TENM4: variants seen among roughly 807,000 people sequenced by gnomAD.
TENM4 encodes the protein teneurin-4.
A neutral mutation model predicts 243.3 loss-of-function variants in TENM4; 82 were observed. The ratio of observed to expected loss-of-function variants is 0.34; its 90% CI spans 0.28 to 0.40. TENM4 has a LOEUF of 0.40. Ranked by LOEUF, TENM4 falls within the 10% of genes least tolerant of loss-of-function variation. The pLI is 1.00. For missense variants in TENM4, 3,138 were observed against 3,673.3 expected, an observed-to-expected ratio of 0.85 and a Z score of 3.77; for synonymous variants, 1,412 against 1,456.3, an observed-to-expected ratio of 0.97 and a Z score of 0.69.
At chr11:78,736,313 T>C (rs920850452) in intron 20 of TENM4, among the ~76,000 whole-genome samples, 6 of 152,180 alleles carry the variant, frequency 3.9e-5, no homozygotes, top group African/African-American at 1.4e-4. Context: ...CTACATCTCT[T>C]GCCTGCTGTT....
At chr11:79,001,133 A>C (rs1478514546) in intron 6 of TENM4, among the ~76,000 whole-genome samples, 3 of 152,252 alleles carry the variant, frequency 2.0e-5, no homozygotes, top group Admixed American at 6.5e-5. Flanking sequence ...CAGCAGATAA[A>C]AAAGCAAGAT....
At chr11:79,106,187 G>C (rs190987296) in intron 4 of TENM4, among the ~76,000 whole-genome samples, 1 of 152,346 alleles carries the variant, frequency 6.6e-6, no homozygotes, top group African/African-American at 2.4e-5. Flanking sequence ...GAGTGAAGAA[G>C]TGGCAAAGGC....
At chr11:79,007,997 G>A (rs1419395550) in intron 6 of TENM4, among the ~76,000 whole-genome samples, 4 of 152,140 alleles carry the variant, frequency 2.6e-5, no homozygotes, top group Non-Finnish European at 5.9e-5. Context: ...TTTCAAACCC[G>A]CAGCTCTTGG....
At chr11:79,300,824 A>G (rs1433718966) in intron 1 of TENM4, among the ~76,000 whole-genome samples, 1 of 152,076 alleles carries the variant, frequency 6.6e-6, no homozygotes, top group Non-Finnish European at 1.5e-5. Flanking sequence ...TTTGTCTTTT[A>G]CCCTGATTAT....
At chr11:79,196,361 TG>T (rs1863627084) in intron 3 of TENM4, among the ~76,000 whole-genome samples, 2 of 151,702 alleles carry the variant, frequency 1.3e-5, no homozygotes, top group Non-Finnish European at 2.9e-5. Flanking sequence ...TTCTTCACCT[TG>T]GCTCATCTCG....
chr11:78,910,453 C>T (rs1454481073), intron 6 of TENM4, among the ~76,000 whole-genome samples: 1 of 152,208 alleles, frequency 6.6e-6, no homozygotes, highest in Non-Finnish European at 1.5e-5. Context: ...TGAATCTTGG[C>T]CTACACGACC....
chr11:79,229,915 C>A (rs1179631121), intron 2 of TENM4, among the ~76,000 whole-genome samples: 1 of 151,714 alleles, frequency 6.6e-6, no homozygotes, highest in Non-Finnish European at 1.5e-5. Flanking sequence ...CAGCCTGGAA[C>A]TCCTGGGCTC....
intron 14 of TENM4, among the ~76,000 whole-genome samples, chr11:78,809,028 G>T (rs1322651079): frequency 2.0e-5 from 3 of 152,156 alleles, no homozygotes; most frequent in African/African-American, 7.2e-5. Context: ...TCAACTTTGG[G>T]TTGAAACTGT....
At chr11:78,822,344 T>C (rs946721932) in intron 12 of TENM4, among the ~76,000 whole-genome samples, 3 of 152,210 alleles carry the variant, frequency 2.0e-5, no homozygotes, top group Non-Finnish European at 4.4e-5. Context: ...TTATAAAATT[T>C]ATTCAGTAAA....
At chr11:79,287,366 G>A (rs1404951567) in intron 2 of TENM4, among the ~76,000 whole-genome samples, 3 of 152,150 alleles carry the variant, frequency 2.0e-5, no homozygotes, top group Admixed American at 6.5e-5. Context: ...TATTGGGTAC[G>A]GAACCTAGTC....
chr11:79,307,658 A>T (rs1856649129), intron 1 of TENM4, among the ~76,000 whole-genome samples: 1 of 151,806 alleles, frequency 6.6e-6, no homozygotes. Flanking sequence ...CAGCAGCCCC[A>T]TTTCCTTTTG....
intron 1 of TENM4, among the ~76,000 whole-genome samples, chr11:79,311,811 G>A (rs1018714069): frequency 6.6e-6 from 1 of 152,132 alleles, no homozygotes; most frequent in Admixed American, 6.5e-5. Flanking sequence ...AACCCTTCCA[G>A]GTTCTACCCC....
At chr11:78,880,913 G>C (rs1191538300) in intron 9 of TENM4, among the ~76,000 whole-genome samples, 2 of 152,152 alleles carry the variant, frequency 1.3e-5, no homozygotes, top group African/African-American at 2.4e-5. Flanking sequence ...AATGAGAGGG[G>C]GGTTGACTTC....
intron 1 of TENM4, among the ~76,000 whole-genome samples, chr11:79,386,392 A>C (rs111460293): frequency 0.082 from 12,510 of 152,288 alleles, 544 homozygotes; most frequent in Non-Finnish European, 0.11. Flanking sequence ...GTGCTAATCA[A>C]AAAGGAAAAA....
rs1199553894 is a variant in TENM4 at position 79,144,721 on chromosome 11, TA to T, written c.-66+3988del. On this transcript the variant is annotated intron_variant, in intron 4 of 33. Transcript: ENST00000278550. ...CATGTTCTCACTCATCTGTGGGAAC[TA>T]AAAATTAAAACAATTGAACTCATGG... 2.0e-5 allele frequency among the ~76,000 whole-genome samples: 3 copies of T among 152,010 alleles called. No homozygotes were observed. The South Asian group carries it at 6.2e-4, about 32-fold the overall frequency.
intron 6 of TENM4, among the ~76,000 whole-genome samples, chr11:78,913,801 G>A (rs373988788): frequency 2.0e-5 from 3 of 152,114 alleles, no homozygotes; most frequent in Admixed American, 6.6e-5. Flanking sequence ...ACTGGATGGC[G>A]GGGTCAACTC....
In TENM4 at chr11:78,805,277, T is replaced by TGCCCCCCCCCCCCACCCCCC; in HGVS notation, c.2179+14_2179+15insGGGGGGTGGGGGGGGGGGGC. On this transcript the variant is annotated intron_variant, in intron 15 of 33. Coordinates refer to ENST00000278550, the MANE Select transcript of TENM4 (RefSeq NM_001098816.3). ...CCCCTCCCTCTACCCATGCTTCTTC[T>TGCCCCCCCCCCCCACCCCCC]CCCCCTGCATTTACCGATAGAACAG... 5.0e-6 allele frequency: 7 copies of TGCCCCCCCCCCCCACCCCCC among 1,402,542 alleles called. No homozygotes were observed. The highest frequency in any genetic ancestry group is 3.1e-5 in the East Asian group (1 of 32,218). The allele number at this position is 1,402,542 out of a possible 1,614,324, so 86.9% of individuals were successfully genotyped here.
chr11:79,068,015 T>C (rs1322921772), intron 5 of TENM4: 1 of 152,218 alleles, frequency 6.6e-6, no homozygotes, highest in Non-Finnish European at 1.5e-5. Flanking sequence ...GAATGCTTAT[T>C]TGTTATTTAC....
At chr11:78,883,863 A>G (rs1855489920) in intron 9 of TENM4, among the ~76,000 whole-genome samples, 1 of 152,126 alleles carries the variant, frequency 6.6e-6, no homozygotes, top group African/African-American at 2.4e-5. Flanking sequence ...CATCCCTACA[A>G]ATGTTTTCTG....
Sources: gnomAD v4.1 joint callset for allele counts (sites outside exome capture counted in the v4.1 genomes callset) on GRCh38, gnomAD v4.1.1 for gene constraint, MANE v1.5 for transcripts, NCBI Gene and HGNC (gene_info 2026-07-23, HGNC 2026-07-21) for gene names.